KLC1: variants seen among roughly 807,000 people sequenced by gnomAD.
KLC1 encodes the protein kinesin 2 60/70kDa.
A neutral mutation model predicts 84.2 loss-of-function variants in KLC1; 30 were observed. The ratio of observed to expected loss-of-function variants is 0.36; its 90% confidence interval spans 0.27 to 0.48. The LOEUF (loss-of-function observed/expected upper bound fraction) is 0.48. Among genes scored for constraint, KLC1 ranks in the 20% least tolerant of loss-of-function variants. The probability of loss-of-function intolerance (pLI) is 0.99; values close to 1 mark genes in which losing one functional copy is unlikely to be tolerated. For synonymous variants in KLC1, 289 were observed against 293.3 expected (o/e 0.99, Z 0.15); for missense variants, 499 against 805.4 (o/e 0.62, Z 4.60).
At position 103,694,822 on chromosome 14, in the gene KLC1, C is replaced by G. The variant is rs1822414884; in HGVS notation, c.1848+2397C>G. The G allele has an allele frequency of 5.1e-6, 5 of 985,494 alleles. No homozygotes were observed. The highest frequency in any genetic ancestry group is 3.5e-5 in the African/African-American group (2 of 57,382). The allele number at this position is 985,494 out of a possible 1,614,324, so 61.0% of individuals were successfully genotyped here. A position where few individuals can be genotyped will look rare whatever the true frequency, so the allele number is the denominator to read the frequency against. On this transcript the variant is annotated intron_variant, in intron 15 of 16. Coordinates refer to ENST00000334553, the MANE Select transcript of KLC1 (RefSeq NM_001394837.1). This position sits in a 1 kb window ranked among gnomAD's most constrained non-coding sequence, Gnocchi z 4.5. ...GCACGAAGGCTGGGGACAGAGTGTCCTGAGGTTTTGTTACAAGGCTAGACT... is the reference window on the plus strand; with the variant it reads ...GCACGAAGGCTGGGGACAGAGTGTCGTGAGGTTTTGTTACAAGGCTAGACT...
At chr14:103,662,060 G>T in intron 3 of KLC1, 56 bp from the exon 4 acceptor site, 3 of 1,182,628 alleles carry the variant, frequency 2.5e-6, no homozygotes, top group South Asian at 1.3e-5. Flanking sequence ...AAATTTTCAG[G>T]ACAGGATGTG....
intron 13 of KLC1, chr14:103,683,081 T>C (rs2081499116): frequency 1.3e-5 from 2 of 152,186 alleles, no homozygotes; most frequent in Admixed American, 1.3e-4. Flanking sequence ...TCAATATTCA[T>C]AAGTAACATT....
At chr14:103,684,547 G>A (rs924491087) in intron 13 of KLC1, among the ~76,000 whole-genome samples, 3 of 152,172 alleles carry the variant, frequency 2.0e-5, no homozygotes, top group African/African-American at 7.2e-5. Context: ...GGGCAGACCC[G>A]CTCCACTGCC....
intron 7 of KLC1, 99 bp downstream of exon 7, chr14:103,670,382 G>A: frequency 6.6e-6 from 5 of 752,408 alleles, no homozygotes; most frequent in Non-Finnish European, 1.1e-5. Context: ...CTGTCACCGG[G>A]CTGGAGTGCG....
At chr14:103,698,865 G>T in intron 15 of KLC1, 1 of 1,607,194 alleles carries the variant, frequency 6.2e-7, no homozygotes, top group Non-Finnish European at 8.5e-7. Flanking sequence ...ACAGGAGGAG[G>T]GGGGCAGGTG....
intron 14 of KLC1, among the ~76,000 whole-genome samples, chr14:103,688,739 T>C (rs1457436194): frequency 1.3e-5 from 2 of 152,184 alleles, no homozygotes; most frequent in Non-Finnish European, 2.9e-5. Context: ...CACAACTGTT[T>C]TCCAGCCCAT....
intron 5 of KLC1, among the ~76,000 whole-genome samples, chr14:103,668,885 C>A (rs1022203496): frequency 6.6e-6 from 1 of 152,060 alleles, no homozygotes; most frequent in Non-Finnish European, 1.5e-5. Context: ...TCACGCCATT[C>A]TCCTGCCTCA....
intron 3 of KLC1, among the ~76,000 whole-genome samples, chr14:103,661,485 C>CT (rs1189180730): frequency 6.6e-6 from 1 of 152,216 alleles, no homozygotes; most frequent in Non-Finnish European, 1.5e-5. Flanking sequence ...AGCAATGTGT[C>CT]TTTATCACAT....
intron 15 of KLC1, chr14:103,696,172 T>C: frequency 4.1e-6 from 4 of 973,100 alleles, no homozygotes; most frequent in Non-Finnish European, 3.6e-6. Context: ...AGCGTCTGGA[T>C]CTGTGGGCGG....
intron 1 of KLC1, among the ~76,000 whole-genome samples, chr14:103,637,708 G>C (rs2077156883): frequency 6.6e-6 from 1 of 152,030 alleles, no homozygotes; most frequent in Non-Finnish European, 1.5e-5. Context: ...AAATATTTAT[G>C]TATTTATTTA....
chr14:103,649,942 G>A (rs1190971184), intron 1 of KLC1, among the ~76,000 whole-genome samples: 2 of 152,192 alleles, frequency 1.3e-5, no homozygotes, highest in African/African-American at 2.4e-5. Context: ...TGATCCGCCC[G>A]CCTCCACCTC....
chr14:103,664,802 A>T, intron 5 of KLC1, among the ~76,000 whole-genome samples: 1 of 143,778 alleles, frequency 7.0e-6, no homozygotes, highest in South Asian at 2.2e-4. Context: ...GGCGTGAACC[A>T]CTGCACTTGG....
intron 9 of KLC1, 125 bp from the exon 10 acceptor site, chr14:103,675,427 G>A (rs550685941): frequency 1.5e-6 from 1 of 685,414 alleles, no homozygotes; most frequent in East Asian, 2.7e-5. Flanking sequence ...TATTCAAAGT[G>A]CTCCAAAGTT....
intron 2 of KLC1, among the ~76,000 whole-genome samples, chr14:103,655,958 T>C (rs2078806000): frequency 6.6e-6 from 1 of 152,204 alleles, no homozygotes; most frequent in South Asian, 2.1e-4. Context: ...CACAAGATGT[T>C]TGTCAAATAA....
At position 103,673,971 on chromosome 14, in the gene KLC1, T is replaced by C. The variant is rs192033864; in HGVS notation, c.1261+540T>C. On this transcript the variant is annotated intron_variant, in intron 9 of 16. Transcript: ENST00000334553. ...ACTAAGTGACTTGTGTGAGGCCCCGTAGCTGAGAAGCAGTTAGACTGGGAT... is the reference window on the plus strand; with the variant it reads ...ACTAAGTGACTTGTGTGAGGCCCCGCAGCTGAGAAGCAGTTAGACTGGGAT... 3.3e-3 allele frequency among the ~76,000 whole-genome samples: 493 copies of C among 150,996 alleles called. 4 individuals carry two copies. Among genetic ancestry groups the C allele is most frequent in the African/African-American group, 0.011 (466 of 41,160 alleles).
Position 103,694,650 on chromosome 14 carries a change from C to A in KLC1, c.1848+2225C>A. ...CTCAGCAGCGCCACCTCCATGCCAG[C>A]CAACTAGGCTACGGGATGGAGGGGC... On this transcript the variant is annotated intron_variant, in intron 15 of 16. Coordinates refer to ENST00000334553, the MANE Select transcript of KLC1 (RefSeq NM_001394837.1). This position sits in a 1 kb window ranked among gnomAD's most constrained non-coding sequence, Gnocchi z 4.5. The A allele has an allele frequency of 1.0e-6, 1 of 985,464 alleles. No homozygotes were observed. The allele number at this position is 985,464 out of a possible 1,614,324, so 61.0% of individuals were successfully genotyped here. A position where few individuals can be genotyped will look rare whatever the true frequency, so the allele number is the denominator to read the frequency against.
chr14:103,652,713 G>A lies in KLC1; in HGVS notation c.-1-1851G>A, dbSNP rs146610887. On this transcript the variant is annotated intron_variant, in intron 1 of 16. Transcript: ENST00000334553. ...TCACCATATTGGCCAGGCTGGTCTC[G>A]AACTCTTGACCTCGTGATCTGCCCG... 5.0e-3 allele frequency among the ~76,000 whole-genome samples: 764 copies of A among 152,174 alleles called. 4 individuals are homozygous for A. The highest frequency in any genetic ancestry group is 0.018 in the African/African-American group (731 of 41,516).
chr14:103,665,000 C>G (rs1416037630), intron 5 of KLC1, among the ~76,000 whole-genome samples: 2 of 152,048 alleles, frequency 1.3e-5, no homozygotes, highest in Non-Finnish European at 2.9e-5. Flanking sequence ...TGGCCTCTGT[C>G]AGTCTTGTGT....
intron 13 of KLC1, chr14:103,684,895 C>G (rs897493602): frequency 1.3e-5 from 9 of 718,262 alleles, no homozygotes; most frequent in Non-Finnish European, 2.1e-5. Context: ...TTTTAGCATC[C>G]TTTTTCTCAA....
Sources: gnomAD v4.1 joint callset for allele counts (sites outside exome capture counted in the v4.1 genomes callset) on GRCh38, gnomAD v4.1.1 for gene constraint, Gnocchi (gnomAD v3.1) non-coding constraint, MANE v1.5 for transcripts, NCBI Gene and HGNC (gene_info 2026-07-23, HGNC 2026-07-21) for gene names.